Variants in DMD observed in about 807,000 individuals in gnomAD.
DMD encodes mutant dystrophin.
A neutral mutation model predicts 330.1 loss-of-function variants in DMD; 63 were observed. The observed-to-expected ratio is 0.19, with a 90% CI of 0.16 to 0.24. DMD has a LOEUF of 0.24. Ranked by LOEUF, DMD falls within the 10% of genes least tolerant of loss-of-function variation. The pLI, the probability that DMD is intolerant of heterozygous loss-of-function variation, is 1.00. For synonymous variants in DMD, 1,223 were observed against 959.8 expected (o/e 1.27, Z -5.07); for missense variants, 3,344 against 2,684.1 (o/e 1.25, Z -5.43).
intron 55 of DMD, among the ~76,000 whole-genome samples, chrX:31,627,020 C>T (rs1195306489): frequency 1.8e-5 from 2 of 111,904 alleles, no homozygotes; most frequent in Non-Finnish European, 3.8e-5. Flanking sequence ...CCTTGTACTA[C>T]AGAATATGAT....
At chrX:31,576,435 T>A (rs2076101558) in intron 55 of DMD, among the ~76,000 whole-genome samples, 1 of 101,557 alleles carries the variant, frequency 9.8e-6, no homozygotes, top group Admixed American at 1.1e-4. Context: ...CAAAAATTAC[T>A]TTTTTTTTTT....
chrX:32,790,023 G>C (rs974393621), intron 7 of DMD, among the ~76,000 whole-genome samples: 1 of 111,721 alleles, frequency 9.0e-6, no homozygotes, highest in African/African-American at 3.3e-5. Flanking sequence ...AGTTGTAACA[G>C]TTTTCTCACT....
intron 47 of DMD, among the ~76,000 whole-genome samples, chrX:31,897,074 T>C (rs1475280286): frequency 7.3e-5 from 8 of 109,095 alleles, no homozygotes; most frequent in South Asian, 4.1e-4. Flanking sequence ...CCTCCCCCCT[T>C]CCCCCACCCC....
chrX:32,547,006 A>T (rs909153838), intron 16 of DMD, among the ~76,000 whole-genome samples: 9 of 110,900 alleles, frequency 8.1e-5, no homozygotes, highest in African/African-American at 2.9e-4. Context: ...ACCATGAGAA[A>T]ACTTGCTTTG....
chrX:32,289,882 T>G (rs67792812), intron 42 of DMD, among the ~76,000 whole-genome samples: 6,606 of 111,422 alleles, frequency 0.059, 503 homozygotes, highest in African/African-American at 0.2. Context: ...GTATCCTGAG[T>G]CAAGCAGCCC....
At chrX:32,265,235 G>C (rs1194230540) in intron 43 of DMD, among the ~76,000 whole-genome samples, 1 of 112,295 alleles carries the variant, frequency 8.9e-6, no homozygotes, top group Non-Finnish European at 1.9e-5. Flanking sequence ...TCCAGCCATG[G>C]CTAAAAGGAG....
At chrX:32,880,881 T>C (rs1171018034) in intron 2 of DMD, among the ~76,000 whole-genome samples, 1 of 112,414 alleles carries the variant, frequency 8.9e-6, no homozygotes, top group East Asian at 2.8e-4. Context: ...AAGGCGGAGG[T>C]TGCGGTGAGC....
intron 73 of DMD, among the ~76,000 whole-genome samples, chrX:31,169,995 T>A (rs2039829831): frequency 8.9e-6 from 1 of 112,365 alleles, no homozygotes; most frequent in African/African-American, 3.2e-5. Context: ...ACGCTATTGT[T>A]GTACTGAGTA....
chrX:31,552,501 G>C (rs949400800), intron 55 of DMD, among the ~76,000 whole-genome samples: 1 of 111,547 alleles, frequency 9.0e-6, no homozygotes, highest in Non-Finnish European at 1.9e-5. Context: ...GGCAGACAGA[G>C]AAATGGGAGG....
intron 9 of DMD, among the ~76,000 whole-genome samples, chrX:32,649,681 T>A (rs774473961): frequency 1.8e-5 from 2 of 110,154 alleles, no homozygotes; most frequent in South Asian, 7.8e-4. Flanking sequence ...CACTCATTTC[T>A]GGAGACAATT....
At chrX:31,414,453 G>A (rs2061780262) in intron 60 of DMD, among the ~76,000 whole-genome samples, 1 of 112,313 alleles carries the variant, frequency 8.9e-6, no homozygotes, top group African/African-American at 3.2e-5. Flanking sequence ...TCATACTGAT[G>A]CTTTGTTATT....
intron 1 of DMD, among the ~76,000 whole-genome samples, chrX:33,250,167 C>G (rs1216851319): frequency 2.0e-5 from 2 of 100,676 alleles, no homozygotes; most frequent in East Asian, 6.0e-4. Context: ...GAACAGTGGT[C>G]CCCAACCTTT....
chrX:32,717,264 G>A (rs779997973), intron 7 of DMD, among the ~76,000 whole-genome samples: 35 of 111,327 alleles, frequency 3.1e-4, no homozygotes, highest in East Asian at 1.1e-3. Flanking sequence ...AAATGATTTC[G>A]GAGGCCAGGC....
intron 9 of DMD, among the ~76,000 whole-genome samples, chrX:32,649,583 AG>A (rs780484448): frequency 2.3e-3 from 229 of 100,111 alleles, no homozygotes; most frequent in South Asian, 3.3e-3. Context: ...AAAAAAAAAA[AG>A]GTGAAAGAGC....
At chrX:33,198,981 G>A (rs1488510966) in intron 1 of DMD, among the ~76,000 whole-genome samples, 1 of 110,365 alleles carries the variant, frequency 9.1e-6, no homozygotes, top group African/African-American at 3.3e-5. Flanking sequence ...CCTAGTCAGG[G>A]AACAAAAAGA....
chrX:32,191,340 G>C (rs753954910), intron 44 of DMD, among the ~76,000 whole-genome samples: 2 of 112,036 alleles, frequency 1.8e-5, no homozygotes, highest in East Asian at 2.8e-4. Context: ...TCATTACCTA[G>C]ATGACACAGC....
At chrX:31,394,936 G>GGGGAGAGAGAGAGAGAGAGAGAGAGAGA (rs1196348642) in intron 60 of DMD, among the ~76,000 whole-genome samples, 7 of 30,371 alleles carry the variant, frequency 2.3e-4, no homozygotes, top group African/African-American at 9.3e-4. Flanking sequence ...GAGAGAGAAG[G>GGGGAGAGAGAGAGAGAGAGAGAGAGAGA]GTGAGAGAGA....
At chrX:31,504,656 AT>A (rs2070752951) in intron 56 of DMD, among the ~76,000 whole-genome samples, 1 of 111,595 alleles carries the variant, frequency 9.0e-6, no homozygotes, top group African/African-American at 3.3e-5. Flanking sequence ...ATTCTATTCT[AT>A]TTCATAATCA....
chrX:32,303,995 C>A (rs2097532336), intron 42 of DMD, among the ~76,000 whole-genome samples: 1 of 111,048 alleles, frequency 9.0e-6, no homozygotes, highest in Non-Finnish European at 1.9e-5. Context: ...GGTAAGGTGA[C>A]CTTTTAATTT....
Sources: allele counts gnomAD v4.1 joint callset (sites outside exome capture counted in the v4.1 genomes callset), GRCh38; gene constraint gnomAD v4.1.1; transcripts MANE v1.5; gene names NCBI Gene and HGNC (gene_info 2026-07-23, HGNC 2026-07-21).